The following CTNNA3 variants were observed in gnomAD, a reference collection of about 807,000 sequenced individuals.
The protein encoded by CTNNA3 is catenin alpha-3.
A neutral mutation model predicts 95.7 loss-of-function variants in CTNNA3; 76 were observed. The ratio of observed to expected loss-of-function variants is 0.79; its 90% CI spans 0.66 to 0.96. CTNNA3 has a LOEUF of 0.96. Ranked by LOEUF, CTNNA3 falls within the 40% of genes least tolerant of loss-of-function variation. The probability of loss-of-function intolerance (pLI) is 0.00; values close to 1 mark genes in which losing one functional copy is unlikely to be tolerated. For synonymous variants in CTNNA3, 431 were observed against 374.4 expected (o/e 1.15, Z -1.74); for missense variants, 1,191 against 1,089.8 (o/e 1.09, Z -1.31).
intron 9 of CTNNA3, among the ~76,000 whole-genome samples, chr10:66,651,695 C>G (rs556884843): frequency 5.6e-4 from 85 of 152,308 alleles, no homozygotes; most frequent in African/African-American, 1.9e-3. Context: ...CCCTCTGCAC[C>G]TGCTGGCCCG....
intron 9 of CTNNA3, among the ~76,000 whole-genome samples, chr10:66,691,171 G>T (rs1486856304): frequency 6.6e-6 from 1 of 152,222 alleles, no homozygotes; most frequent in East Asian, 1.9e-4. Flanking sequence ...CCTCACTCAG[G>T]AAGCGCAAGG....
intron 5 of CTNNA3, among the ~76,000 whole-genome samples, chr10:67,234,336 C>A (rs1243323455): frequency 1.3e-5 from 2 of 152,188 alleles, no homozygotes; most frequent in Non-Finnish European, 2.9e-5. Context: ...GGCTTCATCC[C>A]TGGGATGCAA....
intron 12 of CTNNA3, among the ~76,000 whole-genome samples, chr10:66,319,870 A>C (rs1012578120): frequency 1.3e-5 from 2 of 152,152 alleles, no homozygotes; most frequent in African/African-American, 4.8e-5. Context: ...GGCATGAATT[A>C]AAATCACCAA....
intron 11 of CTNNA3, among the ~76,000 whole-genome samples, chr10:66,506,635 C>G (rs993647949): frequency 6.6e-6 from 1 of 152,088 alleles, no homozygotes. Flanking sequence ...ATTGTGAGTT[C>G]TCTCAAAGCA....
chr10:67,059,033 A>G (rs1198683180), intron 7 of CTNNA3, among the ~76,000 whole-genome samples: 1 of 152,178 alleles, frequency 6.6e-6, no homozygotes, highest in East Asian at 1.9e-4. Context: ...GCCTTCTAAG[A>G]AGGACATTTC....
intron 9 of CTNNA3, among the ~76,000 whole-genome samples, chr10:66,648,645 C>T (rs1302844030): frequency 6.6e-6 from 1 of 151,000 alleles, no homozygotes; most frequent in East Asian, 2.0e-4. Flanking sequence ...TAGCTACATA[C>T]AAGAAAAAAT....
At chr10:67,345,891 T>C (rs745322643) in intron 5 of CTNNA3, among the ~76,000 whole-genome samples, 4 of 152,144 alleles carry the variant, frequency 2.6e-5, no homozygotes, top group Non-Finnish European at 5.9e-5. Context: ...AGTTGTTTTG[T>C]GGTCTTCTCT....
chr10:65,912,588 T>G lies in CTNNA3; in HGVS notation c.*7742A>C, dbSNP rs1589122565. 1 of 152,314 alleles carries G rather than the reference T, an allele frequency of 6.6e-6. No individual in the cohort carries two copies. Among genetic ancestry groups the G allele is most frequent in the East Asian group, 1.9e-4 (1 of 5,176 alleles). The allele number at this position is 152,314 out of a possible 1,614,324, so 9.4% of individuals were successfully genotyped here. A position where few individuals can be genotyped will look rare whatever the true frequency, so the allele number is the denominator to read the frequency against. On this transcript the variant is annotated 3_prime_UTR_variant, in exon 18 of 18. Transcript: ENST00000433211. ...TTTTAATTTTCAGTTGAACAAATTC[T>G]TAATGAGCTACAGAGTGACATGAGT...
At chr10:66,691,895 G>A (rs1847557236) in intron 9 of CTNNA3, among the ~76,000 whole-genome samples, 3 of 152,008 alleles carry the variant, frequency 2.0e-5, no homozygotes, top group Non-Finnish European at 4.4e-5. Flanking sequence ...ACCTGCAGCT[G>A]AGGGTCCTGT....
chr10:67,412,120 C>T (rs994813231), intron 5 of CTNNA3, among the ~76,000 whole-genome samples: 2 of 152,038 alleles, frequency 1.3e-5, no homozygotes, highest in Admixed American at 1.3e-4. Flanking sequence ...AAGTACACTC[C>T]ATTGAGTTGG....
rs551995665 is a variant in CTNNA3 at position 67,367,861 on chromosome 10, G to A, written c.580-147991C>T. ...GGGAGCTAAACATTGGATGCACATGGGCATAAAAATGGTGACAACAAGAGT... is the reference window on the plus strand; with the variant it reads ...GGGAGCTAAACATTGGATGCACATGAGCATAAAAATGGTGACAACAAGAGT... On this transcript the variant is annotated intron_variant, in intron 5 of 17. Coordinates refer to ENST00000433211, the MANE Select transcript of CTNNA3 (RefSeq NM_013266.4). Among the ~76,000 whole-genome samples the A allele has an allele frequency of 6.6e-5, 10 of 152,160 alleles. No homozygotes were observed. The South Asian group carries it at 1.7e-3, about 25-fold the overall frequency.
chr10:66,926,304 A>T, intron 7 of CTNNA3: 5 of 418,640 alleles, frequency 1.2e-5, no homozygotes, highest in Non-Finnish European at 1.3e-5. Context: ...AAAAAACTGT[A>T]AAGATGCAAA....
At chr10:66,383,490 G>A (rs2092859993) in intron 11 of CTNNA3, among the ~76,000 whole-genome samples, 1 of 152,182 alleles carries the variant, frequency 6.6e-6, no homozygotes, top group African/African-American at 2.4e-5. Flanking sequence ...TGAAAGTGAT[G>A]GGAAGAATGG....
intron 9 of CTNNA3, among the ~76,000 whole-genome samples, chr10:66,759,645 G>T (rs1477340907): frequency 1.3e-5 from 2 of 152,268 alleles, no homozygotes; most frequent in African/African-American, 2.4e-5. Context: ...AGACACTTCT[G>T]CTCTCAACTT....
intron 7 of CTNNA3, among the ~76,000 whole-genome samples, chr10:67,030,829 C>T (rs966683209): frequency 2.0e-5 from 3 of 152,080 alleles, no homozygotes; most frequent in African/African-American, 7.2e-5. Flanking sequence ...CATGGTGAAA[C>T]CCCGTCTCTA....
intron 14 of CTNNA3, among the ~76,000 whole-genome samples, chr10:66,097,646 T>G (rs537648256): frequency 6.6e-6 from 1 of 152,234 alleles, no homozygotes; most frequent in Middle Eastern, 3.4e-3. Context: ...AGGCAAGTCA[T>G]TTGCTCACCT....
At chr10:67,342,048 C>T (rs912184889) in intron 5 of CTNNA3, among the ~76,000 whole-genome samples, 8 of 144,992 alleles carry the variant, frequency 5.5e-5, no homozygotes, top group Non-Finnish European at 9.1e-5. Flanking sequence ...TCTTTTGATT[C>T]GTAGTTTCCC....
At chr10:65,941,425 T>C (rs1450982131) in intron 17 of CTNNA3, among the ~76,000 whole-genome samples, 2 of 152,208 alleles carry the variant, frequency 1.3e-5, no homozygotes, top group African/African-American at 4.8e-5. Flanking sequence ...GAACAGCTTA[T>C]GGAATAAGAA....
At chr10:67,323,358 T>A (rs991571218) in intron 5 of CTNNA3, among the ~76,000 whole-genome samples, 2 of 152,222 alleles carry the variant, frequency 1.3e-5, no homozygotes, top group African/African-American at 4.8e-5. Context: ...TGGTTTTGCA[T>A]CTAAATCTTT....
Sources: gnomAD v4.1 joint callset for allele counts (sites outside exome capture counted in the v4.1 genomes callset) on GRCh38, gnomAD v4.1.1 for gene constraint, MANE v1.5 for transcripts, NCBI Gene and HGNC (gene_info 2026-07-23, HGNC 2026-07-21) for gene names.